The following CSMD1 variants were observed in gnomAD, a reference collection of about 807,000 sequenced individuals.
CSMD1 encodes CUB and sushi domain-containing protein 1.
A neutral mutation model predicts 417.5 loss-of-function variants in CSMD1; 213 were observed. That is an observed-to-expected ratio of 0.51 (90% CI 0.46 to 0.57). CSMD1 has a LOEUF of 0.57. Among genes scored for constraint, CSMD1 ranks in the 20% least tolerant of loss-of-function variants. The pLI, the probability that CSMD1 is intolerant of heterozygous loss-of-function variation, is 0.00. For missense variants in CSMD1, 6,923 were observed against 4,529.7 expected, an observed-to-expected ratio of 1.53 and a Z score of -15.17; for synonymous variants, 2,862 against 1,736.8, an observed-to-expected ratio of 1.65 and a Z score of -16.11.
chr8:4,624,152 G>A (rs754142572), intron 2 of CSMD1, among the ~76,000 whole-genome samples: 1 of 152,008 alleles, frequency 6.6e-6, no homozygotes, highest in Non-Finnish European at 1.5e-5. Context: ...CAAAATAGCA[G>A]GTTTGCAGTA....
intron 50 of CSMD1, 43 bp from the exon 51 acceptor site, chr8:3,029,556 G>A: frequency 6.6e-7 from 1 of 1,514,140 alleles, no homozygotes; most frequent in South Asian, 1.2e-5. Flanking sequence ...TTCTTTTTTG[G>A]AAAACATCAG....
At chr8:4,071,763 T>C (rs569072085) in intron 3 of CSMD1, among the ~76,000 whole-genome samples, 1 of 152,226 alleles carries the variant, frequency 6.6e-6, no homozygotes, top group African/African-American at 2.4e-5. Flanking sequence ...GTCTTTGGGG[T>C]TTTATTTTTT....
chr8:3,954,434 T>A lies in CSMD1; in HGVS notation c.818+43469A>T, dbSNP rs530210440. Among the ~76,000 whole-genome samples the A allele has an allele frequency of 3.7e-4, 56 of 152,250 alleles. 1 individual carries two copies. The South Asian group carries it at 5.8e-3, about 16-fold the overall frequency. On this transcript the variant is annotated intron_variant, in intron 5 of 69. Coordinates refer to ENST00000635120, the MANE Select transcript of CSMD1 (RefSeq NM_033225.6). ...CTGGAGTGCAGTGGCGGTGGTGATC[T>A]CAGCTCACTGCAACCTCCTCCTCCC...
intron 1 of CSMD1, among the ~76,000 whole-genome samples, chr8:4,815,670 T>C (rs1799163154): frequency 1.7e-5 from 2 of 117,412 alleles, no homozygotes; most frequent in South Asian, 2.6e-4. Flanking sequence ...CATTCCAGCC[T>C]GGGCAACAAG....
intron 37 of CSMD1, among the ~76,000 whole-genome samples, chr8:3,173,406 A>G (rs1317857162): frequency 6.6e-6 from 1 of 152,188 alleles, no homozygotes; most frequent in African/African-American, 2.4e-5. Context: ...GGGATGAGAG[A>G]GACATGAATA....
At chr8:3,250,431 G>C (rs993741051) in intron 26 of CSMD1, among the ~76,000 whole-genome samples, 1 of 152,306 alleles carries the variant, frequency 6.6e-6, no homozygotes, top group South Asian at 2.1e-4. Flanking sequence ...GTATATATGT[G>C]CCACATTTTC....
chr8:3,107,581 G>C, intron 45 of CSMD1, 137 bp downstream of exon 45: 1 of 543,692 alleles, frequency 1.8e-6, no homozygotes, highest in Non-Finnish European at 3.1e-6. Flanking sequence ...ATACTTTAAG[G>C]ATAGTTTGTT....
intron 7 of CSMD1, 51 bp from the exon 8 acceptor site, chr8:3,616,848 A>C (rs1161450264): frequency 1.5e-6 from 2 of 1,300,302 alleles, no homozygotes; most frequent in Non-Finnish European, 2.2e-6. Context: ...TTGAGGAAAT[A>C]CCCAGATAAA....
chr8:4,445,102 CA>C (rs994335211), intron 2 of CSMD1, among the ~76,000 whole-genome samples: 8 of 152,018 alleles, frequency 5.3e-5, no homozygotes, highest in Non-Finnish European at 8.8e-5. Context: ...CTCTGAACAA[CA>C]AAAAAAGTAT....
At chr8:3,875,151 T>C (rs1805732143) in intron 5 of CSMD1, among the ~76,000 whole-genome samples, 2 of 152,032 alleles carry the variant, frequency 1.3e-5, no homozygotes, top group Admixed American at 1.3e-4. Context: ...CGATGTAAAA[T>C]GCGACACTGG....
intron 23 of CSMD1, among the ~76,000 whole-genome samples, chr8:3,318,670 G>C (rs536294838): frequency 1.3e-5 from 2 of 152,258 alleles, no homozygotes; most frequent in Admixed American, 1.3e-4. Flanking sequence ...ATTATAGCAG[G>C]TGCATGACGA....
At chr8:3,791,527 A>T (rs2129067783) in intron 5 of CSMD1, among the ~76,000 whole-genome samples, 1 of 152,296 alleles carries the variant, frequency 6.6e-6, no homozygotes, top group African/African-American at 2.4e-5. Flanking sequence ...GGACAATTTT[A>T]AAATTACCTT....
At chr8:3,161,356 C>T (rs1183283508) in intron 38 of CSMD1, among the ~76,000 whole-genome samples, 1 of 152,142 alleles carries the variant, frequency 6.6e-6, no homozygotes. Context: ...GTAGCTCACA[C>T]CTGTAATCCC....
Position 4,282,666 on chromosome 8 carries a change from CA to C in CSMD1, c.415+137286del, listed in dbSNP as rs1349419341. 5.3e-5 allele frequency among the ~76,000 whole-genome samples: 8 copies of C among 152,160 alleles called. No homozygotes were observed. In the East Asian group the frequency reaches 1.5e-3, roughly 29 times the overall value. On this transcript the variant is annotated intron_variant, in intron 3 of 69. Coordinates refer to ENST00000635120, the MANE Select transcript of CSMD1 (RefSeq NM_033225.6). ...TTTTCAGTTTTATTTATTTGAATAC[CA>C]GTTAGGAACTGAGTTGGCTGTGACA...
intron 5 of CSMD1, among the ~76,000 whole-genome samples, chr8:3,858,353 T>G (rs914250076): frequency 1.2e-4 from 18 of 152,188 alleles, no homozygotes; most frequent in African/African-American, 4.3e-4. Flanking sequence ...TTAAAATATT[T>G]CATGCTTGAC....
chr8:4,529,868 C>T (rs1796702791), intron 2 of CSMD1, among the ~76,000 whole-genome samples: 2 of 138,090 alleles, frequency 1.4e-5, no homozygotes, highest in Admixed American at 7.5e-5. Flanking sequence ...CATGCTGCTG[C>T]CATTGTTTTT....
chr8:3,714,588 C>A (rs2623573), intron 6 of CSMD1, among the ~76,000 whole-genome samples: 3 of 132,060 alleles, frequency 2.3e-5, no homozygotes, highest in East Asian at 2.2e-4. Flanking sequence ...AAAATTAGCC[C>A]CAGCCAGGCA....
At chr8:3,671,006 GATA>G (rs746225715) in intron 7 of CSMD1, among the ~76,000 whole-genome samples, 67 of 103,802 alleles carry the variant, frequency 6.5e-4, no homozygotes, top group South Asian at 1.3e-3. Flanking sequence ...ATATGTATGG[GATA>G]TATATGTATA....
chr8:4,037,800 G>A (rs1797695881), intron 3 of CSMD1, among the ~76,000 whole-genome samples: 1 of 151,934 alleles, frequency 6.6e-6, no homozygotes, highest in Admixed American at 6.6e-5. Flanking sequence ...ATTCCAGGTT[G>A]GAATTGAATC....
Sources: allele counts gnomAD v4.1 joint callset (sites outside exome capture counted in the v4.1 genomes callset), GRCh38; gene constraint gnomAD v4.1.1; transcripts MANE v1.5; gene names NCBI Gene and HGNC (gene_info 2026-07-23, HGNC 2026-07-21).